Variants in MREG observed in about 807,000 individuals in gnomAD.
The protein encoded by MREG is dilute suppressor protein homolog.
MREG carries 31 observed loss-of-function variants against 28.5 expected under a neutral mutation model. That is an observed-to-expected ratio of 1.09 (90% confidence interval 0.82 to 1.47). The LOEUF (loss-of-function observed/expected upper bound fraction) is 1.47. MREG is among the 40% of genes most tolerant of loss of function. The pLI is 0.00. For synonymous variants in MREG, 106 were observed against 95.2 expected, an observed-to-expected ratio of 1.11 and a Z score of -0.66; for missense variants, 256 against 257.4, an observed-to-expected ratio of 0.99 and a Z score of 0.04.
chr2:215,994,046 G>C (rs901922868), intron 2 of MREG, among the ~76,000 whole-genome samples: 2 of 151,804 alleles, frequency 1.3e-5, no homozygotes, highest in Non-Finnish European at 2.9e-5. Context: ...ATTTGACCCA[G>C]CAATCCCATT....
rs1692612772 is a variant in MREG, at chr2:215,955,881, T to C, written c.256-8768A>G. Among the ~76,000 whole-genome samples the C allele has an allele frequency of 6.6e-5, 10 of 152,298 alleles. No homozygotes were observed. The South Asian group carries it at 2.1e-3, about 32-fold the overall frequency. ...GTGAAATAGATAATACAGACTAGGATAGTTCTGCCGCTACTGAAGAGTACA... is the reference window on the plus strand; with the variant it reads ...GTGAAATAGATAATACAGACTAGGACAGTTCTGCCGCTACTGAAGAGTACA... On this transcript the variant is annotated intron_variant, in intron 2 of 4. Transcript: ENST00000263268.
intron 1 of MREG, among the ~76,000 whole-genome samples, chr2:216,008,738 C>T (rs540211312): frequency 2.0e-5 from 3 of 152,302 alleles, no homozygotes; most frequent in East Asian, 1.9e-4. Flanking sequence ...TCAGGACCTT[C>T]GGGTGTGGGC....
chr2:215,956,865 A>G (rs965706434), intron 2 of MREG, among the ~76,000 whole-genome samples: 1 of 152,212 alleles, frequency 6.6e-6, no homozygotes. Context: ...GTGTTTCTGT[A>G]TAAAGTATAG....
chr2:216,010,352 C>CTATTTTTTTTTTTTTTT (rs1332869944), intron 1 of MREG, among the ~76,000 whole-genome samples: 1 of 75,628 alleles, frequency 1.3e-5, no homozygotes, highest in African/African-American at 4.9e-5. Flanking sequence ...GAAAAGATTT[C>CTATTTTTTTTTTTTTTT]TCTTTTTTTT....
chr2:215,945,791 G>C, intron 3 of MREG, 57 bp from the exon 4 acceptor site: 1 of 1,461,698 alleles, frequency 6.8e-7, no homozygotes, highest in South Asian at 1.2e-5. Context: ...CAAGTGTTCC[G>C]CAATACGGTC....
upstream of MREG, among the ~76,000 whole-genome samples, chr2:216,017,996 C>CA (rs35615805): frequency 0.14 from 18,321 of 127,262 alleles, 1,491 homozygotes; most frequent in African/African-American, 0.24. Context: ...ACTAAAAATA[C>CA]AAAAAAAAAA....
At chr2:215,982,754 C>A (rs1693465187) in intron 2 of MREG, among the ~76,000 whole-genome samples, 1 of 152,138 alleles carries the variant, frequency 6.6e-6, no homozygotes, top group South Asian at 2.1e-4. Flanking sequence ...TGGGTCACAC[C>A]GACCTGAGCT....
intron 2 of MREG, among the ~76,000 whole-genome samples, chr2:215,959,413 C>T (rs1016534700): frequency 1.2e-4 from 19 of 152,290 alleles, no homozygotes; most frequent in Middle Eastern, 3.4e-3. Flanking sequence ...ATCCCATCTT[C>T]CAAATCTAAG....
chr2:216,002,399 A>G (rs941484893), intron 1 of MREG, among the ~76,000 whole-genome samples: 2 of 152,178 alleles, frequency 1.3e-5, no homozygotes, highest in Non-Finnish European at 2.9e-5. Flanking sequence ...CTGCATGTAA[A>G]AGACCTTGGA....
At chr2:216,017,261 A>G (rs549545188), upstream of MREG, among the ~76,000 whole-genome samples, 19 of 152,310 alleles carry the variant, frequency 1.2e-4, no homozygotes, top group Middle Eastern at 3.4e-3. Flanking sequence ...TTAGTATACT[A>G]ATACTACCTC....
chr2:216,005,578 A>C (rs1223673066), intron 1 of MREG, among the ~76,000 whole-genome samples: 1 of 149,460 alleles, frequency 6.7e-6, no homozygotes, highest in East Asian at 2.0e-4. Context: ...CAGCCTCCAG[A>C]GTAGCTGGGA....
intron 1 of MREG, among the ~76,000 whole-genome samples, chr2:216,009,975 C>A (rs950912147): frequency 6.6e-6 from 1 of 152,162 alleles, no homozygotes; most frequent in Non-Finnish European, 1.5e-5. Flanking sequence ...TAGTTTCCCC[C>A]CAAAAGATAT....
intron 2 of MREG, among the ~76,000 whole-genome samples, chr2:215,991,165 T>C (rs1011327152): frequency 6.6e-6 from 1 of 152,110 alleles, no homozygotes; most frequent in Non-Finnish European, 1.5e-5. Context: ...CCTCAGCAAA[T>C]GCAAAAGAAC....
At chr2:216,023,455 G>A (rs1694554102) in intron 1 of MREG, among the ~76,000 whole-genome samples, 2 of 152,132 alleles carry the variant, frequency 1.3e-5, no homozygotes, top group Admixed American at 1.3e-4. Context: ...CTGCTAAATT[G>A]AGCAATAAGT....
intron 2 of MREG, among the ~76,000 whole-genome samples, chr2:215,961,428 C>G (rs1692786753): frequency 6.6e-6 from 1 of 151,900 alleles, no homozygotes; most frequent in African/African-American, 2.4e-5. Context: ...GGCCCCCCGC[C>G]TTTTTTGTTT....
chr2:216,033,287 A>G (rs139453893), upstream of MREG, among the ~76,000 whole-genome samples: 138 of 152,278 alleles, frequency 9.1e-4, no homozygotes, highest in Middle Eastern at 6.8e-3. Flanking sequence ...CATTTCTTAA[A>G]TAAAAAATAA....
intron 2 of MREG, among the ~76,000 whole-genome samples, chr2:215,976,691 C>A (rs375491586): frequency 6.6e-6 from 1 of 152,184 alleles, no homozygotes; most frequent in East Asian, 1.9e-4. Flanking sequence ...TCAGCAGAAA[C>A]TCTACAAGCC....
intron 2 of MREG, among the ~76,000 whole-genome samples, chr2:215,988,142 C>T (rs559843825): frequency 2.3e-4 from 35 of 152,216 alleles, no homozygotes; most frequent in African/African-American, 7.9e-4. Context: ...CTGCAGCTCA[C>T]GGTGAGATCA....
intron 2 of MREG, among the ~76,000 whole-genome samples, chr2:215,963,251 G>A (rs1692842899): frequency 6.6e-6 from 1 of 151,930 alleles, no homozygotes; most frequent in Non-Finnish European, 1.5e-5. Flanking sequence ...CTTGATCTCA[G>A]GAGTTCAGAC....
Sources: gnomAD v4.1 joint callset for allele counts (sites outside exome capture counted in the v4.1 genomes callset) on GRCh38, gnomAD v4.1.1 for gene constraint, MANE v1.5 for transcripts, NCBI Gene and HGNC (gene_info 2026-07-23, HGNC 2026-07-21) for gene names.